The following UTY variants were observed in gnomAD, a reference collection of about 807,000 sequenced individuals.
UTY encodes the protein ubiquitously transcribed tetratricopeptide repeat containing, Y-linked.
UTY carries 12 observed loss-of-function variants against 32.5 expected under a neutral mutation model. That is an observed-to-expected ratio of 0.37 (90% CI 0.24 to 0.60). UTY has a LOEUF of 0.60. Ranked by LOEUF, UTY falls within the 20% of genes least tolerant of loss-of-function variation. The pLI is 0.69. For synonymous variants in UTY, 131 were observed against 103.4 expected, an observed-to-expected ratio of 1.27 and a Z score of -1.62; for missense variants, 303 against 299.2, an observed-to-expected ratio of 1.01 and a Z score of -0.09.
chrY:13,459,498 TTC>T (rs2077182237), intron 3 of UTY, among the ~76,000 whole-genome samples: 1 of 33,308 alleles, frequency 3.0e-5, no homozygotes, highest in African/African-American at 1.2e-4. Context: ...TCATTATAGT[TTC>T]TCTGTCGAAT....
At chrY:13,418,005 G>A in intron 4 of UTY, among the ~76,000 whole-genome samples, 1 of 30,303 alleles carries the variant, frequency 3.3e-5, no homozygotes, top group African/African-American at 1.3e-4. Context: ...ACGTTGATGT[G>A]CTGCACCCAT....
intron 27 of UTY, among the ~76,000 whole-genome samples, chrY:13,277,671 C>G: frequency 3.0e-5 from 1 of 33,471 alleles, no homozygotes; most frequent in Non-Finnish European, 7.4e-5. Flanking sequence ...TCTGCTGGTA[C>G]CCACTGGGGG....
chrY:13,453,582 A>G (rs2076489819), intron 3 of UTY, among the ~76,000 whole-genome samples: 1 of 34,358 alleles, frequency 2.9e-5, no homozygotes, highest in Admixed American at 2.6e-4. Flanking sequence ...AGTAACAAAA[A>G]GACAAGTAGC....
At chrY:13,390,996 C>A (rs976543564) in intron 8 of UTY, among the ~76,000 whole-genome samples, 1 of 33,317 alleles carries the variant, frequency 3.0e-5, no homozygotes, top group African/African-American at 1.2e-4. Flanking sequence ...ATGCTTGTAA[C>A]AGAATTTTTT....
chrY:13,360,419 T>C lies in UTY; in HGVS notation c.965+11A>G. The C allele has an allele frequency of 2.5e-6, 1 of 392,210 alleles. No individual in the cohort carries two copies. The highest frequency in any genetic ancestry group is 3.6e-6 in the Non-Finnish European group (1 of 278,175). ...AGCGAGCTTCTACTGCTTTTATATA[T>C]ATAGCCTTACCCTATTGAACACCAT... On this transcript the variant is annotated intron_variant, in intron 11 of 29. Transcript: ENST00000545955.
At chrY:13,265,062 G>A (rs2055652045) in intron 27 of UTY, among the ~76,000 whole-genome samples, 3 of 33,114 alleles carry the variant, frequency 9.1e-5, no homozygotes, top group South Asian at 1.3e-3. Flanking sequence ...GATGTGAGGC[G>A]TTATTTCTGA....
chrY:13,449,361 TAAAGTTTTC>T (rs2076141056), intron 3 of UTY, among the ~76,000 whole-genome samples: 1 of 33,090 alleles, frequency 3.0e-5, no homozygotes, highest in African/African-American at 1.2e-4. Context: ...CCTACTATGA[TAAAGTTTTC>T]TAATTTTTCT....
chrY:13,366,413 A>C lies in UTY; in HGVS notation c.740-20T>G. 9.0e-6 allele frequency: 3 copies of C among 333,561 alleles called. No individual in the cohort carries two copies. Among genetic ancestry groups the C allele is most frequent in the Non-Finnish European group, 8.1e-6 (2 of 247,730 alleles). The allele number at this position is 333,561 out of a possible 400,897, so 83.2% of individuals were successfully genotyped here. Reference sequence around the variant, plus strand: ...TCCAACCTATAATTAAGAAGTTATAAGCATTTACCCATCATTCTACTTCTT... The same window carrying C: ...TCCAACCTATAATTAAGAAGTTATACGCATTTACCCATCATTCTACTTCTT... On this transcript the variant is annotated intron_variant, in intron 9 of 29. Transcript: ENST00000545955.
At chrY:13,406,084 T>C (rs895497480) in intron 6 of UTY, among the ~76,000 whole-genome samples, 16 of 33,364 alleles carry the variant, frequency 4.8e-4, no homozygotes, top group Non-Finnish European at 1.1e-3. Context: ...ATGTGTCTGC[T>C]GTCACATTTA....
chrY:13,252,729 T>C (rs901375963), intron 28 of UTY, among the ~76,000 whole-genome samples: 1 of 34,394 alleles, frequency 2.9e-5, no homozygotes, highest in African/African-American at 1.1e-4. Context: ...TCACAAACAA[T>C]AGCATTAGCG....
Position 13,251,249 on chromosome Y carries a change from A to G in UTY, c.4138-62T>C. The G allele has an allele frequency of 1.2e-5, 3 of 251,284 alleles. No homozygotes were observed. The African/African-American group carries it at 2.3e-4, about 19-fold the overall frequency. 62.7% of individuals were successfully genotyped at this position (251,284 alleles called of 400,897 possible). A position where few individuals can be genotyped will look rare whatever the true frequency, so the allele number is the denominator to read the frequency against. On this transcript the variant is annotated intron_variant, in intron 28 of 29. Transcript: ENST00000545955. ...CAGTGATATCTGAATTTATTTCAGC[A>G]CTTTAACCATGGGGATTCTACTTCA...
At chrY:13,474,195 T>C in intron 2 of UTY, among the ~76,000 whole-genome samples, 7 of 32,227 alleles carry the variant, frequency 2.2e-4, no homozygotes, top group African/African-American at 8.6e-4. Flanking sequence ...TGGGCTGACA[T>C]AGCACCACTG....
chrY:13,427,096 A>C, intron 4 of UTY, among the ~76,000 whole-genome samples: 2 of 34,152 alleles, frequency 5.9e-5, no homozygotes, highest in East Asian at 1.5e-3. Context: ...ATTAAACTGT[A>C]GTTTTTGTAA....
chrY:13,309,814 C>T (rs2058921035), intron 21 of UTY, among the ~76,000 whole-genome samples: 1 of 32,748 alleles, frequency 3.1e-5, no homozygotes, highest in Non-Finnish European at 7.5e-5. Context: ...CTAATTTGTT[C>T]CCTCAAAAGA....
intron 3 of UTY, among the ~76,000 whole-genome samples, chrY:13,459,436 T>C (rs890417850): frequency 3.0e-5 from 1 of 33,178 alleles, no homozygotes; most frequent in African/African-American, 1.2e-4. Flanking sequence ...AATCTTAACA[T>C]TTTATGTCTT....
intron 5 of UTY, among the ~76,000 whole-genome samples, chrY:13,412,787 T>C: frequency 3.0e-5 from 1 of 33,873 alleles, no homozygotes; most frequent in African/African-American, 1.2e-4. Context: ...TAATTATAAA[T>C]ACTGATTAAA....
intron 27 of UTY, among the ~76,000 whole-genome samples, chrY:13,277,994 A>G: frequency 1.2e-4 from 4 of 32,798 alleles, no homozygotes; most frequent in Non-Finnish European, 1.5e-4. Context: ...TCATTTGGGG[A>G]GAAAAAGGTG....
chrY:13,392,338 T>C (rs2067652692), intron 8 of UTY, among the ~76,000 whole-genome samples: 2 of 33,802 alleles, frequency 5.9e-5, no homozygotes, highest in Non-Finnish European at 1.5e-4. Context: ...TCTTAACCCA[T>C]TTATGCCTAG....
At chrY:13,429,792 A>G (rs1004416716) in intron 4 of UTY, among the ~76,000 whole-genome samples, 2 of 32,404 alleles carry the variant, frequency 6.2e-5, no homozygotes, top group Admixed American at 5.6e-4. Flanking sequence ...ACCCTGACTC[A>G]TTTGATTTCC....
Sources: gnomAD v4.1 joint callset for allele counts (sites outside exome capture counted in the v4.1 genomes callset) on GRCh38, gnomAD v4.1.1 for gene constraint, MANE v1.5 for transcripts, NCBI Gene and HGNC (gene_info 2026-07-23, HGNC 2026-07-21) for gene names.